ZDHHC17: variants seen among roughly 807,000 people sequenced by gnomAD.
ZDHHC17 encodes zDHHC palmitoyltransferase 17, also known as palmitoyltransferase ZDHHC17.
In ZDHHC17, 40 loss-of-function variants were observed where a neutral mutation model predicts 90.3. The ratio of observed to expected loss-of-function variants is 0.44; its 90% CI spans 0.34 to 0.58. ZDHHC17 has a LOEUF of 0.58. Among genes scored for constraint, ZDHHC17 ranks in the 20% least tolerant of loss-of-function variants. ZDHHC17 has a pLI of 0.01. For missense variants in ZDHHC17, 614 were observed against 780.8 expected (o/e 0.79, Z 2.55); for synonymous variants, 235 against 252.4 (o/e 0.93, Z 0.65).
intron 2 of ZDHHC17, among the ~76,000 whole-genome samples, chr12:76,804,861 C>A (rs1764109886): frequency 6.6e-6 from 1 of 152,134 alleles, no homozygotes; most frequent in South Asian, 2.1e-4. Context: ...GCCTCTTGGT[C>A]CATTCTTTGG....
At chr12:76,843,550 TA>T (rs1182418313) in intron 12 of ZDHHC17, among the ~76,000 whole-genome samples, 1 of 152,094 alleles carries the variant, frequency 6.6e-6, no homozygotes, top group Non-Finnish European at 1.5e-5. Context: ...TACTAGTATT[TA>T]TTAATAGAGT....
chr12:76,829,964 A>T (rs753610264), intron 10 of ZDHHC17, among the ~76,000 whole-genome samples: 1 of 152,170 alleles, frequency 6.6e-6, no homozygotes, highest in Non-Finnish European at 1.5e-5. Context: ...AGCAGCTGGG[A>T]CTACAGGCGT....
Position 76,826,917 on chromosome 12 carries a change from C to T in ZDHHC17, c.907C>T (p.Gln303Ter). Residue 303 changes from glutamine to a stop codon, truncating the protein, a stop_gained, in exon 9 of 17, where the codon CAG becomes TAG. Coordinates refer to ENST00000426126, the MANE Select transcript of ZDHHC17 (RefSeq NM_015336.4). LOFTEE classifies it high-confidence loss of function. The part of the protein sequence containing the change: ...RKLKADKEFR[Q>*]KVMLGTPFLV... ...TTTTGTTTCTATACAGGAATTTCGGCAGAAAGTAATGTTAGGAACTCCTTT... is the reference window on the plus strand; with the variant it reads ...TTTTGTTTCTATACAGGAATTTCGGTAGAAAGTAATGTTAGGAACTCCTTT... The T allele has an allele frequency of 6.6e-7, 1 of 1,509,912 alleles. No individual in the cohort carries two copies. Among genetic ancestry groups the T allele is most frequent in the Non-Finnish European group, 8.8e-7 (1 of 1,140,736 alleles). The allele number at this position is 1,509,912 out of a possible 1,614,324, so 93.5% of individuals were successfully genotyped here. A position where few individuals can be genotyped will look rare whatever the true frequency, so the allele number is the denominator to read the frequency against.
rs544524204 is a variant in ZDHHC17, at chr12:76,832,481, A to T, written c.1141+3991A>T. 7.9e-5 allele frequency among the ~76,000 whole-genome samples: 12 copies of T among 152,380 alleles called. No homozygotes were observed. In the South Asian group the frequency reaches 1.2e-3, roughly 16 times the overall value. On this transcript the variant is annotated intron_variant, in intron 10 of 16. Transcript: ENST00000426126. ...ATACTGAACCATTGTTCCTAAGAGT[A>T]ATACAGAGTTAGGTTCCTATGTGGC...
intron 10 of ZDHHC17, 123 bp downstream of exon 10, chr12:76,828,613 A>G: frequency 1.3e-6 from 1 of 765,786 alleles, no homozygotes. Context: ...GTGTTCCTAG[A>G]AAATTTAGTA....
chr12:76,771,806 G>T (rs1952495290), intron 1 of ZDHHC17, among the ~76,000 whole-genome samples: 1 of 151,972 alleles, frequency 6.6e-6, no homozygotes, highest in Non-Finnish European at 1.5e-5. Context: ...GGATCCTCTT[G>T]TTGCAGATGT....
chr12:76,802,005 C>T (rs979993923), intron 2 of ZDHHC17, among the ~76,000 whole-genome samples: 4 of 152,150 alleles, frequency 2.6e-5, no homozygotes, highest in African/African-American at 7.2e-5. Flanking sequence ...TTACGTCATA[C>T]TAGGTTTTGT....
intron 1 of ZDHHC17, among the ~76,000 whole-genome samples, chr12:76,783,500 G>A (rs945388013): frequency 1.1e-4 from 17 of 152,170 alleles, no homozygotes; most frequent in African/African-American, 3.9e-4. Context: ...GGTGGAAACC[G>A]CCCCCATGAT....
At chr12:76,849,607 A>T (rs879386355) in intron 16 of ZDHHC17, 137 bp downstream of exon 16, 2 of 562,158 alleles carry the variant, frequency 3.6e-6, no homozygotes, top group Admixed American at 7.5e-5. Context: ...TCAGTTCACC[A>T]TAATAACAAC....
chr12:76,816,707 T>G (rs535872020), intron 7 of ZDHHC17, among the ~76,000 whole-genome samples: 2 of 152,134 alleles, frequency 1.3e-5, no homozygotes, highest in Non-Finnish European at 2.9e-5. Context: ...GGTATCTCTT[T>G]ATGTTCCAAG....
At chr12:76,805,919 CATA>C (rs1379649700) in intron 3 of ZDHHC17, among the ~76,000 whole-genome samples, 1 of 152,184 alleles carries the variant, frequency 6.6e-6, no homozygotes, top group Non-Finnish European at 1.5e-5. Context: ...TTCACACCAG[CATA>C]AGTGATGAAT....
intron 10 of ZDHHC17, among the ~76,000 whole-genome samples, chr12:76,835,089 T>C (rs1953348035): frequency 6.6e-6 from 1 of 150,828 alleles, no homozygotes; most frequent in African/African-American, 2.4e-5. Context: ...CTTGCTGTGT[T>C]GCCCAGGCTG....
Position 76,853,312 on chromosome 12 carries a change from A to C in ZDHHC17, c.*2327A>C, listed in dbSNP as rs1313786074. 1 of 152,584 alleles carries C rather than the reference A, an allele frequency of 6.6e-6. No homozygotes were observed. Among genetic ancestry groups the C allele is most frequent in the Non-Finnish European group, 1.5e-5 (1 of 68,008 alleles). 9.5% of individuals were successfully genotyped at this position (152,584 alleles called of 1,614,324 possible). The stretch of plus-strand genomic sequence containing the variant: ...AGGTCCTGTGTGTGGAACCAACTAT[A>C]AACCCAGTTCTAAAGTTGTGTATGA... On this transcript the variant is annotated 3_prime_UTR_variant, in exon 17 of 17. Coordinates refer to ENST00000426126, the MANE Select transcript of ZDHHC17 (RefSeq NM_015336.4).
At chr12:76,796,009 T>C (rs1216209209) in intron 1 of ZDHHC17, among the ~76,000 whole-genome samples, 1 of 152,164 alleles carries the variant, frequency 6.6e-6, no homozygotes. Flanking sequence ...AGAATTTGCT[T>C]GTGTAAAACT....
chr12:76,823,126 T>C (rs528987990), intron 8 of ZDHHC17, among the ~76,000 whole-genome samples: 1 of 152,324 alleles, frequency 6.6e-6, no homozygotes, highest in Admixed American at 6.5e-5. Context: ...TTTTGGTTCA[T>C]TGATTCAACT....
chr12:76,781,533 C>T (rs1029013256), intron 1 of ZDHHC17: 15 of 439,058 alleles, frequency 3.4e-5, no homozygotes, highest in East Asian at 7.0e-5. Context: ...GTTTGTTACT[C>T]GAGAGTGGGT....
intron 3 of ZDHHC17, among the ~76,000 whole-genome samples, chr12:76,807,579 T>A (rs1391970778): frequency 6.6e-6 from 1 of 152,186 alleles, no homozygotes; most frequent in Non-Finnish European, 1.5e-5. Flanking sequence ...TATAAAAATA[T>A]AATACTGAGA....
chr12:76,811,793 C>T (rs1412034923), intron 5 of ZDHHC17, among the ~76,000 whole-genome samples: 1 of 152,034 alleles, frequency 6.6e-6, no homozygotes, highest in Non-Finnish European at 1.5e-5. Context: ...GATTTTATTC[C>T]ATGTACAGAT....
At chr12:76,771,947 T>C (rs1368022418) in intron 1 of ZDHHC17, among the ~76,000 whole-genome samples, 1 of 152,116 alleles carries the variant, frequency 6.6e-6, no homozygotes, top group South Asian at 2.1e-4. Flanking sequence ...CCACCAAAAC[T>C]CTCTTATCTC....
Sources: gnomAD v4.1 joint callset for allele counts (sites outside exome capture counted in the v4.1 genomes callset) on GRCh38, gnomAD v4.1.1 for gene constraint, MANE v1.5 for transcripts, NCBI Gene and HGNC (gene_info 2026-07-23, HGNC 2026-07-21) for gene names.